DCHS2: variants seen among roughly 807,000 people sequenced by gnomAD.
The protein encoded by DCHS2 is protocadherin-23.
Under a neutral mutation model 182.4 loss-of-function variants are expected in DCHS2, and 142 were observed. The observed-to-expected ratio is 0.78, with a 90% CI of 0.68 to 0.89. The LOEUF is 0.89. DCHS2 is among the 40% of genes least tolerant of loss of function. The pLI is 0.00. For synonymous variants in DCHS2, 1,740 were observed against 1,663.3 expected, an observed-to-expected ratio of 1.05 and a Z score of -1.12; for missense variants, 4,319 against 4,198.6, an observed-to-expected ratio of 1.03 and a Z score of -0.79.
intron 13 of DCHS2, among the ~76,000 whole-genome samples, chr4:154,275,101 G>T (rs1174871939): frequency 6.6e-6 from 1 of 151,506 alleles, no homozygotes; most frequent in Non-Finnish European, 1.5e-5. Flanking sequence ...AAAAAGAAAA[G>T]GCTCTGGAAC....
intron 16 of DCHS2, among the ~76,000 whole-genome samples, chr4:154,253,956 TC>T (rs1188258681): frequency 2.0e-5 from 3 of 152,218 alleles, no homozygotes; most frequent in African/African-American, 4.8e-5. Context: ...AAACAGGATG[TC>T]TGCTCTGCAG....
At chr4:154,336,128 A>G (rs943226978) in intron 3 of DCHS2, among the ~76,000 whole-genome samples, 3 of 152,242 alleles carry the variant, frequency 2.0e-5, no homozygotes, top group Admixed American at 6.5e-5. Flanking sequence ...GTGAGAAGAT[A>G]TAATACAATA....
chr4:154,382,584 AC>A (rs557727705), intron 1 of DCHS2, among the ~76,000 whole-genome samples: 4 of 152,078 alleles, frequency 2.6e-5, no homozygotes, highest in Non-Finnish European at 4.4e-5. Context: ...AAAAATAATC[AC>A]AAACTATATA....
At chr4:154,411,132 A>C (rs1240098758) in intron 1 of DCHS2, among the ~76,000 whole-genome samples, 1 of 152,234 alleles carries the variant, frequency 6.6e-6, no homozygotes, top group Non-Finnish European at 1.5e-5. Flanking sequence ...GAAGTCAGAC[A>C]CAGAAAGAAA....
rs1728731812 is a variant in DCHS2 at position 154,335,087 on chromosome 4, A to T, written c.2494T>A (p.Leu832Ile). The T allele has an allele frequency of 6.2e-7, 1 of 1,607,042 alleles. No homozygotes were observed. Among genetic ancestry groups the T allele is most frequent in the South Asian group, 1.1e-5 (1 of 90,962 alleles). The change falls in exon 4 of 20, where the codon TTA becomes ATA. Residue 832 changes from leucine (L) to isoleucine (I), a missense_variant. Transcript: ENST00000357232. The part of the protein sequence containing the change: ...DSTTGIIYLT[L>I]PLSHLESTTL... ...GTAGATTCCAAATGACTAAGAGGTAATGTTAAGTAAATAATTCCTGGGTAG... is the reference window on the plus strand; with the variant it reads ...GTAGATTCCAAATGACTAAGAGGTATTGTTAAGTAAATAATTCCTGGGTAG...
At position 154,242,728 on chromosome 4, in the gene DCHS2, T is replaced by C. The variant is rs1371180294; in HGVS notation, c.6986A>G (p.Asn2329Ser). Reference sequence around the variant, plus strand: ...CACCTGTACCTTGATTACAGTCGTATTAGAAAGCCTGGGCATCCCTTTATC... The same window carrying C: ...CACCTGTACCTTGATTACAGTCGTACTAGAAAGCCTGGGCATCCCTTTATC... ...ATDKGMPRLS[N>S]TTVIKVQVTD... The change falls in exon 17 of 20, where the codon AAT (asparagine) becomes AGT (serine). Residue 2329 changes from asparagine (N) to serine (S), a missense_variant. Transcript: ENST00000357232. The C allele has an allele frequency of 3.1e-6, 5 of 1,612,956 alleles. No homozygotes were observed. Among genetic ancestry groups the C allele is most frequent in the Middle Eastern group, 1.7e-4 (1 of 6,050 alleles).
At chr4:154,476,974 G>T (rs559791449) in intron 1 of DCHS2, among the ~76,000 whole-genome samples, 351 of 152,246 alleles carry the variant, frequency 2.3e-3, no homozygotes, top group African/African-American at 7.9e-3. Context: ...GTTAGCTGGG[G>T]AAGGGGAGAC....
chr4:154,331,724 A>G (rs773969791), intron 5 of DCHS2: 67 of 1,608,382 alleles, frequency 4.2e-5, no homozygotes, highest in Non-Finnish European at 5.4e-5. Context: ...CCTGCACAAA[A>G]AGGGAGCTTC....
At chr4:154,446,001 T>C (rs1734271030) in intron 1 of DCHS2, among the ~76,000 whole-genome samples, 4 of 152,194 alleles carry the variant, frequency 2.6e-5, no homozygotes, top group South Asian at 4.1e-4. Context: ...ACTGAATTTA[T>C]AGAAGATGAG....
chr4:154,325,053 G>T (rs942719055), intron 7 of DCHS2, among the ~76,000 whole-genome samples: 3 of 152,024 alleles, frequency 2.0e-5, no homozygotes, highest in Admixed American at 1.3e-4. Context: ...TATAAAAAAA[G>T]AATATTTCGA....
intron 1 of DCHS2, among the ~76,000 whole-genome samples, chr4:154,435,595 CA>C (rs71600329): frequency 0.34 from 43,459 of 127,170 alleles, 7,345 homozygotes; most frequent in East Asian, 0.71. Flanking sequence ...GACTCCATCT[CA>C]AAAAAAAAAA....
intron 14 of DCHS2, among the ~76,000 whole-genome samples, chr4:154,267,373 C>T (rs1733329454): frequency 6.6e-6 from 1 of 152,080 alleles, no homozygotes; most frequent in Non-Finnish European, 1.5e-5. Flanking sequence ...GCAAGATGGC[C>T]AGGTGCATTG....
chr4:154,490,791 G>C lies in DCHS2; in HGVS notation c.565C>G (p.Pro189Ala). The change falls in exon 1 of 20, where the codon CCA (proline) becomes GCA (alanine). Residue 189 changes from proline (P) to alanine (A), a missense_variant. Transcript: ENST00000357232. ...LSPPGTAFRL[P>A]VAHDPDAGLF... ...CCGGCGTCCGGATCGTGGGCAACTG[G>C]CAGGCGGAAGGCGGTCCCTGGCGGG... The C allele has an allele frequency of 6.4e-7, 1 of 1,551,590 alleles. No individual in the cohort carries two copies. Among genetic ancestry groups the C allele is most frequent in the South Asian group, 1.2e-5 (1 of 84,052 alleles).
intron 10 of DCHS2, among the ~76,000 whole-genome samples, chr4:154,315,456 T>G (rs2111324234): frequency 6.6e-6 from 1 of 152,322 alleles, no homozygotes; most frequent in African/African-American, 2.4e-5. Context: ...AATGTGATGC[T>G]TTGTCCATAC....
intron 13 of DCHS2, among the ~76,000 whole-genome samples, chr4:154,285,610 C>T (rs1015878860): frequency 1.3e-5 from 2 of 152,126 alleles, no homozygotes; most frequent in African/African-American, 2.4e-5. Flanking sequence ...TCCTCATGGG[C>T]CTGGAGTGGT....
intron 1 of DCHS2, among the ~76,000 whole-genome samples, chr4:154,432,407 C>T (rs1376016561): frequency 6.6e-6 from 1 of 152,124 alleles, no homozygotes; most frequent in Non-Finnish European, 1.5e-5. Context: ...CTTTCAGTGC[C>T]TCATTTTCTT....
intron 3 of DCHS2, chr4:154,357,284 G>T: frequency 6.2e-7 from 1 of 1,613,508 alleles, no homozygotes; most frequent in Non-Finnish European, 8.5e-7. Context: ...CTGCTGAAAA[G>T]TTGACAGCAC....
chr4:154,388,860 T>TA (rs1031864449), intron 1 of DCHS2, among the ~76,000 whole-genome samples: 6 of 151,404 alleles, frequency 4.0e-5, no homozygotes, highest in African/African-American at 1.2e-4. Flanking sequence ...ATATTAATCC[T>TA]AAAAAAAAAT....
At chr4:154,463,692 T>TTTTTTTTCTC (rs1011716388) in intron 1 of DCHS2, among the ~76,000 whole-genome samples, 1 of 145,266 alleles carries the variant, frequency 6.9e-6, no homozygotes, top group African/African-American at 2.5e-5. Context: ...ATTCTCTCTT[T>TTTTTTTTCTC]TCTCTCTCTC....
Sources: gnomAD v4.1 joint callset for allele counts (sites outside exome capture counted in the v4.1 genomes callset) on GRCh38, gnomAD v4.1.1 for gene constraint, MANE v1.5 for transcripts, NCBI Gene and HGNC (gene_info 2026-07-23, HGNC 2026-07-21) for gene names.